PALM2AKAP2: variants seen among roughly 807,000 people sequenced by gnomAD.
PALM2AKAP2 encodes the protein PALM2-AKAP2 fusion protein.
PALM2AKAP2 carries 37 observed loss-of-function variants against 71.5 expected under a neutral mutation model. That is an observed-to-expected ratio of 0.52 (90% CI 0.40 to 0.68). PALM2AKAP2 has a LOEUF of 0.68. PALM2AKAP2 is among the 30% of genes least tolerant of loss of function. The probability of loss-of-function intolerance (pLI) is 0.00; values close to 1 mark genes in which losing one functional copy is unlikely to be tolerated. For synonymous variants in PALM2AKAP2, 468 were observed against 478.8 expected, an observed-to-expected ratio of 0.98 and a Z score of 0.29; for missense variants, 1,224 against 1,191.8, an observed-to-expected ratio of 1.03 and a Z score of -0.40.
intron 6 of PALM2AKAP2, among the ~76,000 whole-genome samples, chr9:109,993,248 G>C (rs1359876): frequency 0.96 from 146,312 of 151,720 alleles, 70,656 homozygotes; most frequent in Middle Eastern, 1. Flanking sequence ...GTTGTTTTGG[G>C]TTGGACTCCA....
chr9:110,029,237 G>A (rs900972233), intron 7 of PALM2AKAP2, among the ~76,000 whole-genome samples: 1 of 152,100 alleles, frequency 6.6e-6, no homozygotes, highest in African/African-American at 2.4e-5. Flanking sequence ...CTCAATCTGG[G>A]TATATCATGA....
chr9:109,822,698 A>G (rs1272157257), intron 1 of PALM2AKAP2, among the ~76,000 whole-genome samples: 1 of 152,158 alleles, frequency 6.6e-6, no homozygotes, highest in East Asian at 1.9e-4. Context: ...GCTGCAAAGG[A>G]CATGATCTCA....
intron 1 of PALM2AKAP2, among the ~76,000 whole-genome samples, chr9:109,723,992 C>T (rs1828440628): frequency 6.6e-6 from 1 of 152,174 alleles, no homozygotes; most frequent in Non-Finnish European, 1.5e-5. Flanking sequence ...CTTTAGTCAG[C>T]TCAATGGCTA....
chr9:109,920,373 C>CT (rs11368227), intron 3 of PALM2AKAP2, among the ~76,000 whole-genome samples: 18,570 of 141,710 alleles, frequency 0.13, 2,242 homozygotes, highest in East Asian at 0.43. Flanking sequence ...ATAATGTAAT[C>CT]TTTTTTTTTT....
At chr9:109,874,475 G>A (rs902225125) in intron 2 of PALM2AKAP2, among the ~76,000 whole-genome samples, 1 of 152,306 alleles carries the variant, frequency 6.6e-6, no homozygotes, top group African/African-American at 2.4e-5. Context: ...GGATGCTTGT[G>A]AAAGTTAAGT....
chr9:109,984,033 T>C (rs116517730), intron 6 of PALM2AKAP2, among the ~76,000 whole-genome samples: 165 of 152,284 alleles, frequency 1.1e-3, no homozygotes, highest in African/African-American at 3.8e-3. Context: ...TAGGAACAAA[T>C]AGTTCTGATG....
intron 7 of PALM2AKAP2, among the ~76,000 whole-genome samples, chr9:110,017,011 C>T (rs778360118): frequency 3.0e-4 from 46 of 152,120 alleles, no homozygotes; most frequent in Non-Finnish European, 3.5e-4. Flanking sequence ...TCCTGAGTAG[C>T]TGGGACTACA....
chr9:109,931,151 G>T (rs1831092289), intron 5 of PALM2AKAP2, among the ~76,000 whole-genome samples: 1 of 152,216 alleles, frequency 6.6e-6, no homozygotes, highest in Admixed American at 6.5e-5. Flanking sequence ...TTACCTCAGG[G>T]GTTTCCTCCT....
intron 1 of PALM2AKAP2, among the ~76,000 whole-genome samples, chr9:109,807,240 A>G (rs1827600593): frequency 1.3e-5 from 2 of 152,216 alleles, no homozygotes; most frequent in African/African-American, 4.8e-5. Context: ...CACCATGGGA[A>G]GGCCTGCTGT....
At chr9:109,983,813 C>T (rs968087914) in intron 6 of PALM2AKAP2, among the ~76,000 whole-genome samples, 3 of 150,814 alleles carry the variant, frequency 2.0e-5, no homozygotes, top group Non-Finnish European at 2.9e-5. Flanking sequence ...TGCAGTGAGC[C>T]GAGATCATGC....
chr9:109,877,428 G>A lies in PALM2AKAP2; in HGVS notation c.127-3123G>A, dbSNP rs115180886. Among the ~76,000 whole-genome samples, 1,338 of 152,250 alleles carry A rather than the reference G, an allele frequency of 8.8e-3. 21 individuals carry two copies. The highest frequency in any genetic ancestry group is 0.031 in the African/African-American group (1,289 of 41,550). ...GACAGTCCTAGCCTTCCAGGAACCA[G>A]CAGGCTACAGGGGGAACAGATGTAA... On this transcript the variant is annotated intron_variant, in intron 2 of 9. Transcript: ENST00000302798.
At chr9:109,746,124 A>G (rs970946447) in intron 1 of PALM2AKAP2, among the ~76,000 whole-genome samples, 5 of 152,170 alleles carry the variant, frequency 3.3e-5, no homozygotes, top group Admixed American at 3.3e-4. Context: ...GCCTTGCCTT[A>G]TATGGAATTT....
chr9:109,715,251 C>T (rs1056056270), intron 1 of PALM2AKAP2, among the ~76,000 whole-genome samples: 1 of 152,116 alleles, frequency 6.6e-6, no homozygotes, highest in African/African-American at 2.4e-5. Context: ...ATGAGAATAC[C>T]TAAGAATTAG....
chr9:109,907,341 T>C lies in PALM2AKAP2; in HGVS notation c.258-16394T>C, dbSNP rs556543073. Among the ~76,000 whole-genome samples the C allele has an allele frequency of 1.1e-4, 17 of 152,360 alleles. No homozygotes were observed. The South Asian group carries it at 3.5e-3, about 32-fold the overall frequency. ...CTTGATAATGCTCGATAAACATGAA[T>C]GAGTGACCCAGAACATTTCAAACTT... On this transcript the variant is annotated intron_variant, in intron 3 of 9. Transcript: ENST00000302798.
rs377038997 is a variant in PALM2AKAP2 at position 110,136,828 on chromosome 9, C to G, written c.858C>G (p.Asp286Glu). Reference sequence around the variant, plus strand: ...AGCCCTCCAAGCTCTTTGAGGATGACGAGCATGAGAAAGAACAATACTGCA... The same window carrying G: ...AGCCCTCCAAGCTCTTTGAGGATGAGGAGCATGAGAAAGAACAATACTGCA... Residue 286 changes from aspartate (D) to glutamate (E), a missense_variant, in exon 2 of 4, where the codon GAC (aspartate) becomes GAG (glutamate). By Grantham distance (45) the Asp-to-Glu change is conservative. Transcript: ENST00000374525. 1 of 1,613,990 alleles carries G rather than the reference C, an allele frequency of 6.2e-7. No homozygotes were observed. The highest frequency in any genetic ancestry group is 1.3e-5 in the African/African-American group (1 of 74,876).
At chr9:109,888,495 G>A (rs1830015431) in intron 3 of PALM2AKAP2, among the ~76,000 whole-genome samples, 1 of 152,034 alleles carries the variant, frequency 6.6e-6, no homozygotes, top group South Asian at 2.1e-4. Context: ...GATCACCTGA[G>A]GTCAGGAGTC....
At chr9:109,773,497 GA>G (rs1829304095) in intron 1 of PALM2AKAP2, among the ~76,000 whole-genome samples, 1 of 152,152 alleles carries the variant, frequency 6.6e-6, no homozygotes, top group Admixed American at 6.5e-5. Flanking sequence ...CCCTACTTTT[GA>G]AGTATTTTAT....
chr9:110,081,651 G>A (rs1416634136), intron 1 of PALM2AKAP2, among the ~76,000 whole-genome samples: 21 of 152,088 alleles, frequency 1.4e-4, no homozygotes, highest in Admixed American at 1.4e-3. Flanking sequence ...CTTCCCAAAG[G>A]CTCTTCCTGC....
At chr9:109,880,882 T>C (rs550415225) in intron 3 of PALM2AKAP2, among the ~76,000 whole-genome samples, 14 of 152,232 alleles carry the variant, frequency 9.2e-5, no homozygotes, top group Non-Finnish European at 1.5e-4. Flanking sequence ...TTTTTTATTT[T>C]TATTTTTAAC....
Sources: allele counts gnomAD v4.1 joint callset (sites outside exome capture counted in the v4.1 genomes callset), GRCh38; gene constraint gnomAD v4.1.1; transcripts MANE v1.5; gene names NCBI Gene and HGNC (gene_info 2026-07-23, HGNC 2026-07-21).